Variants in FRMD3 observed in about 807,000 individuals in gnomAD.
FRMD3 encodes FERM domain containing 3, also known as FERM domain-containing protein 3.
A neutral mutation model predicts 70.2 loss-of-function variants in FRMD3; 33 were observed. The observed-to-expected ratio is 0.47, with a 90% CI of 0.36 to 0.63. The LOEUF is 0.63. Among genes scored for constraint, FRMD3 ranks in the 20% least tolerant of loss-of-function variants. The probability of loss-of-function intolerance (pLI) is 0.00; values close to 1 mark genes in which losing one functional copy is unlikely to be tolerated. For missense variants in FRMD3, 632 were observed against 711.4 expected, an observed-to-expected ratio of 0.89 and a Z score of 1.27; for synonymous variants, 279 against 255.9, an observed-to-expected ratio of 1.09 and a Z score of -0.86.
intron 1 of FRMD3, among the ~76,000 whole-genome samples, chr9:83,522,655 C>G (rs569115658): frequency 1.5e-4 from 23 of 151,288 alleles, no homozygotes; most frequent in Admixed American, 4.6e-4. Context: ...GCTCCGCCTC[C>G]CAGGTTCACA....
chr9:83,562,710 G>C, the FRMD3 span, among the ~76,000 whole-genome samples: 7 of 152,316 alleles, frequency 4.6e-5, no homozygotes, highest in South Asian at 8.3e-4. Context: ...CAGGCTCTGT[G>C]AAAGAAGGGT....
At chr9:83,298,629 TA>T in intron 12 of FRMD3, 118 bp downstream of exon 12, 1 of 762,824 alleles carries the variant, frequency 1.3e-6, no homozygotes, top group African/African-American at 1.7e-5. Context: ...GTGAGATGTC[TA>T]AGGAAGTGAG....
At chr9:83,556,781 T>G in the FRMD3 span, among the ~76,000 whole-genome samples, 1 of 152,084 alleles carries the variant, frequency 6.6e-6, no homozygotes, top group Non-Finnish European at 1.5e-5. Flanking sequence ...GATTCGTTTT[T>G]CAAAATATTT....
At position 83,246,904 on chromosome 9, in the gene FRMD3, G is replaced by T; in HGVS notation, c.*1014C>A. On this transcript the variant is annotated 3_prime_UTR_variant, in exon 14 of 14. Transcript: ENST00000304195. ...ATAGACCATTCGCCTGTCACCATTT[G>T]CCTGCCAGCCTCACCAGAACTCATT... The T allele has an allele frequency of 1.4e-5, 14 of 985,348 alleles. No individual in the cohort carries two copies. The highest frequency in any genetic ancestry group is 1.7e-5 in the Non-Finnish European group (14 of 829,910). 61.0% of individuals were successfully genotyped at this position (985,348 alleles called of 1,614,324 possible).
the FRMD3 span, among the ~76,000 whole-genome samples, chr9:83,558,277 T>TGTGTGC: frequency 5.9e-5 from 9 of 151,988 alleles, no homozygotes; most frequent in Non-Finnish European, 1.0e-4. Flanking sequence ...TGTGTGTGTG[T>TGTGTGC]GCGCGCGCGC....
chr9:83,559,486 T>C, the FRMD3 span, among the ~76,000 whole-genome samples: 3,088 of 152,340 alleles, frequency 0.02, 108 homozygotes, highest in African/African-American at 0.07. Context: ...ATATTTGCTT[T>C]ATTGTGGTGG....
intron 1 of FRMD3, among the ~76,000 whole-genome samples, chr9:83,441,277 T>C (rs1564078677): frequency 6.6e-6 from 1 of 152,198 alleles, no homozygotes; most frequent in Non-Finnish European, 1.5e-5. Flanking sequence ...TTTCAAAATA[T>C]CACCTTTGAA....
intron 1 of FRMD3, among the ~76,000 whole-genome samples, chr9:83,523,641 C>T (rs1236908996): frequency 6.6e-6 from 1 of 152,218 alleles, no homozygotes; most frequent in Non-Finnish European, 1.5e-5. Context: ...AAACCACCTT[C>T]CTCTCTGTGG....
chr9:83,452,180 C>T (rs752983431), intron 1 of FRMD3, among the ~76,000 whole-genome samples: 19 of 152,258 alleles, frequency 1.2e-4, no homozygotes, highest in African/African-American at 4.1e-4. Context: ...ATGCGGTAGA[C>T]GCTCCGTATG....
intron 1 of FRMD3, chr9:83,467,519 G>A: frequency 2.4e-6 from 2 of 834,050 alleles, no homozygotes; most frequent in South Asian, 2.9e-5. Context: ...ATTTGTTTCA[G>A]TGAAAATAAT....
chr9:83,443,470 T>C (rs1438005000), intron 1 of FRMD3, among the ~76,000 whole-genome samples: 2 of 152,346 alleles, frequency 1.3e-5, no homozygotes, highest in African/African-American at 4.8e-5. Flanking sequence ...GGACATGAAC[T>C]CATCCTTTTT....
chr9:83,507,737 T>TATATATATATA (rs1395414042), intron 1 of FRMD3, among the ~76,000 whole-genome samples: 1 of 106,826 alleles, frequency 9.4e-6, no homozygotes. Flanking sequence ...TATATATATA[T>TATATATATATA]ATCTTCTGGA....
chr9:83,497,022 G>C (rs1828958439), intron 1 of FRMD3, among the ~76,000 whole-genome samples: 2 of 152,164 alleles, frequency 1.3e-5, no homozygotes, highest in Non-Finnish European at 2.9e-5. Context: ...GCTGAGGCAG[G>C]AGAATCACTC....
chr9:83,290,870 C>T (rs992798770), intron 12 of FRMD3, 143 bp from the exon 13 acceptor site: 2 of 853,346 alleles, frequency 2.3e-6, no homozygotes, highest in Non-Finnish European at 1.8e-6. Context: ...GTAAAGATGA[C>T]GTAACATTCA....
chr9:83,494,680 G>A (rs138118488), intron 1 of FRMD3, among the ~76,000 whole-genome samples: 417 of 152,308 alleles, frequency 2.7e-3, no homozygotes, highest in African/African-American at 9.6e-3. Context: ...AGGTGGGGAG[G>A]ATTGCTTGAC....
intron 5 of FRMD3, among the ~76,000 whole-genome samples, chr9:83,337,331 A>G (rs1823613054): frequency 1.3e-5 from 2 of 152,050 alleles, no homozygotes; most frequent in Admixed American, 1.3e-4. Context: ...TTCCAAATTT[A>G]TGTACTTCAT....
intron 3 of FRMD3, among the ~76,000 whole-genome samples, chr9:83,365,980 C>A (rs1302835551): frequency 6.6e-6 from 1 of 152,014 alleles, no homozygotes; most frequent in Admixed American, 6.6e-5. Context: ...CACACCAACC[C>A]CACTCAAAGG....
chr9:83,371,639 C>T (rs2131254053), intron 3 of FRMD3, among the ~76,000 whole-genome samples: 1 of 152,286 alleles, frequency 6.6e-6, no homozygotes, highest in African/African-American at 2.4e-5. Flanking sequence ...ATGCACATCC[C>T]AACTCTCTTC....
At chr9:83,299,699 G>T (rs1021097656) in intron 10 of FRMD3, among the ~76,000 whole-genome samples, 8 of 152,226 alleles carry the variant, frequency 5.3e-5, no homozygotes, top group Non-Finnish European at 1.0e-4. Flanking sequence ...GAGGGAACAA[G>T]GGTCCCGCAT....
Sources: gnomAD v4.1 joint callset for allele counts (sites outside exome capture counted in the v4.1 genomes callset) on GRCh38, gnomAD v4.1.1 for gene constraint, MANE v1.5 for transcripts, NCBI Gene and HGNC (gene_info 2026-07-23, HGNC 2026-07-21) for gene names.